RBMS1: variants seen among roughly 807,000 people sequenced by gnomAD.
The protein encoded by RBMS1 is RNA-binding motif, single-stranded-interacting protein 1.
A neutral mutation model predicts 62.3 loss-of-function variants in RBMS1; 17 were observed. The ratio of observed to expected loss-of-function variants is 0.27; its 90% CI spans 0.19 to 0.41. The LOEUF (loss-of-function observed/expected upper bound fraction) is 0.41. Ranked by LOEUF, RBMS1 falls within the 10% of genes least tolerant of loss-of-function variation. RBMS1 has a pLI of 1.00. For missense variants in RBMS1, 334 were observed against 504.5 expected (o/e 0.66, Z 3.24); for synonymous variants, 172 against 170.0 (o/e 1.01, Z -0.09).
At chr2:160,388,896 A>G (rs1026840808) in intron 1 of RBMS1, among the ~76,000 whole-genome samples, 1 of 152,270 alleles carries the variant, frequency 6.6e-6, no homozygotes, top group Admixed American at 6.5e-5. Context: ...GAGGCCTTCC[A>G]CAGCATACAC....
intron 2 of RBMS1, among the ~76,000 whole-genome samples, chr2:160,341,678 A>G (rs1691881990): frequency 6.6e-6 from 1 of 152,198 alleles, no homozygotes; most frequent in South Asian, 2.1e-4. Context: ...ATGGGTGTTC[A>G]TAAATAGGGA....
At chr2:160,485,502 T>C (rs1685564274) in intron 1 of RBMS1, among the ~76,000 whole-genome samples, 1 of 152,196 alleles carries the variant, frequency 6.6e-6, no homozygotes, top group Non-Finnish European at 1.5e-5. Flanking sequence ...TTTTACAGAC[T>C]CTTACAGGTT....
chr2:160,381,294 G>T (rs1433809906), intron 1 of RBMS1, among the ~76,000 whole-genome samples: 2 of 152,040 alleles, frequency 1.3e-5, no homozygotes, highest in Non-Finnish European at 2.9e-5. Flanking sequence ...GGGTAAAAAT[G>T]GATCTATAAT....
rs886953269 is a variant in RBMS1 at position 160,387,829 on chromosome 2, GA to G, written c.76-20439del. On this transcript the variant is annotated intron_variant, in intron 1 of 13. Coordinates refer to ENST00000348849, the MANE Select transcript of RBMS1 (RefSeq NM_016836.4). Reference sequence around the variant, plus strand: ...AAATTATATGGCAGACATTAGACAGGAAAAAAAAAAAGAAAAGAAAAAGCTT... The same window carrying G: ...AAATTATATGGCAGACATTAGACAGGAAAAAAAAAAGAAAAGAAAAAGCTT... Among the ~76,000 whole-genome samples the G allele has an allele frequency of 4.6e-3, 655 of 143,572 alleles. 2 individuals are homozygous for G. The highest frequency in any genetic ancestry group is 0.015 in the African/African-American group (583 of 39,314). 94.2% of individuals were successfully genotyped at this position (143,572 alleles called of 152,430 possible).
chr2:160,313,529 G>C (rs1224177126), intron 3 of RBMS1, among the ~76,000 whole-genome samples: 3 of 151,014 alleles, frequency 2.0e-5, no homozygotes, highest in Admixed American at 2.0e-4. Flanking sequence ...GTGGGGGGGA[G>C]ACATCTAAGT....
chr2:160,278,232 G>A (rs573872688), intron 11 of RBMS1: 62 of 322,924 alleles, frequency 1.9e-4, no homozygotes, highest in African/African-American at 1.3e-3. Flanking sequence ...TATTACCTTC[G>A]TCTTTCGCTT....
At chr2:160,415,037 G>C (rs1457099133) in intron 1 of RBMS1, among the ~76,000 whole-genome samples, 1 of 152,018 alleles carries the variant, frequency 6.6e-6, no homozygotes, top group Non-Finnish European at 1.5e-5. Context: ...AAGACAAAGA[G>C]AAGGTCCATT....
chr2:160,431,052 T>A (rs1045133943), intron 1 of RBMS1, among the ~76,000 whole-genome samples: 6 of 150,152 alleles, frequency 4.0e-5, no homozygotes, highest in Non-Finnish European at 1.5e-5. Flanking sequence ...CACTGATAGC[T>A]AAGTGTTCTT....
intron 1 of RBMS1, among the ~76,000 whole-genome samples, chr2:160,422,967 T>G (rs1382282919): frequency 6.6e-6 from 1 of 152,214 alleles, no homozygotes. Context: ...CCTACAATGA[T>G]AAGGTAGAGA....
chr2:160,366,941 TA>T (rs1553515752), intron 2 of RBMS1: 2 of 239,482 alleles, frequency 8.4e-6, no homozygotes, highest in African/African-American at 2.3e-5. Context: ...AAGTTTTTTT[TA>T]AAAAAATTCA....
intron 1 of RBMS1, among the ~76,000 whole-genome samples, chr2:160,405,910 G>A (rs1205541476): frequency 6.6e-6 from 1 of 152,154 alleles, no homozygotes; most frequent in Non-Finnish European, 1.5e-5. Context: ...AGTGAGGTGG[G>A]TGGGGGAGGA....
intron 2 of RBMS1, among the ~76,000 whole-genome samples, chr2:160,348,186 CAA>C (rs1692292283): frequency 6.6e-6 from 1 of 152,006 alleles, no homozygotes; most frequent in South Asian, 2.1e-4. Context: ...TTTATTTTCC[CAA>C]AAGAGTATAT....
intron 1 of RBMS1, among the ~76,000 whole-genome samples, chr2:160,367,789 G>A (rs1693492757): frequency 6.6e-6 from 1 of 152,110 alleles, no homozygotes; most frequent in Non-Finnish European, 1.5e-5. Context: ...ATTGAAAGTT[G>A]CTTAAAATTT....
In RBMS1 at chr2:160,421,137, C is replaced by A. The variant is rs148776866; in HGVS notation, c.76-53746G>T. Among the ~76,000 whole-genome samples the A allele has an allele frequency of 6.7e-3, 1,019 of 151,628 alleles. 13 individuals carry two copies. The highest frequency in any genetic ancestry group is 0.024 in the African/African-American group (991 of 41,390). ...CTCTTGAGATCCACTCTAACTTATTCTTTTTTCTTTTTTTTTTTATTATTA... is the reference window on the plus strand; with the variant it reads ...CTCTTGAGATCCACTCTAACTTATTATTTTTTCTTTTTTTTTTTATTATTA... On this transcript the variant is annotated intron_variant, in intron 1 of 13. Transcript: ENST00000348849.
intron 1 of RBMS1, among the ~76,000 whole-genome samples, chr2:160,399,170 T>C (rs1003673669): frequency 1.3e-5 from 2 of 152,218 alleles, no homozygotes; most frequent in Non-Finnish European, 2.9e-5. Context: ...TTATCCTGTC[T>C]CCTGAGTTAG....
rs538518069 is a variant in RBMS1, at chr2:160,493,356, T to C, written c.8A>G (p.Lys3Arg). Reference sequence around the variant, plus strand: ...AGGGTACATCTGCTGTTTCCACACTTTGCCCATGAAGCTGGAAGGGAGCCT... The same window carrying C: ...AGGGTACATCTGCTGTTTCCACACTCTGCCCATGAAGCTGGAAGGGAGCCT... MGKVWKQQMYPQY... is the reference protein window; with the variant it reads MGRVWKQQMYPQY... The change falls in exon 1 of 14, where the codon AAA (lysine) becomes AGA (arginine). Residue 3 changes from lysine (K) to arginine (R), a missense_variant. By Grantham distance (26) the Lys-to-Arg change is conservative. Around this residue, in one of 3 missense-constraint regions of RBMS1, gnomAD observed 150 missense variants for 228.0 expected, o/e 0.66. Transcript: ENST00000348849. 7.4e-6 allele frequency: 12 copies of C among 1,613,320 alleles called. No homozygotes were observed. In the East Asian group the frequency reaches 2.0e-4, roughly 27 times the overall value.
intron 8 of RBMS1, 35 bp downstream of exon 8, chr2:160,284,960 C>A (rs202103704): frequency 1.3e-6 from 2 of 1,598,920 alleles, no homozygotes; most frequent in Non-Finnish European, 1.7e-6. Context: ...TCACATTTTC[C>A]CTCAAGCCAT....
At chr2:160,471,689 G>GTGTGTGTATATATATATATATA (rs1439769508) in intron 1 of RBMS1, among the ~76,000 whole-genome samples, 1 of 23,840 alleles carries the variant, frequency 4.2e-5, no homozygotes, top group African/African-American at 1.8e-4. Flanking sequence ...AAATCCTTTG[G>GTGTGTGTATATATATATATATA]TGTATATATA....
chr2:160,482,465 T>C (rs980115804), intron 1 of RBMS1, among the ~76,000 whole-genome samples: 1 of 152,246 alleles, frequency 6.6e-6, no homozygotes, highest in East Asian at 1.9e-4. Flanking sequence ...ATGCACACTA[T>C]GTTTTAATTA....
Sources: gnomAD v4.1 joint callset for allele counts (sites outside exome capture counted in the v4.1 genomes callset) on GRCh38, gnomAD v4.1.1 for gene constraint, gnomAD v4.1.1 regional missense constraint, MANE v1.5 for transcripts, NCBI Gene and HGNC (gene_info 2026-07-23, HGNC 2026-07-21) for gene names.